The following TRIM49C variants were observed in gnomAD, a reference collection of about 807,000 sequenced individuals.
TRIM49C encodes the protein tripartite motif containing 49C.
A neutral mutation model predicts 21.4 loss-of-function variants in TRIM49C; 6 were observed. That is an observed-to-expected ratio of 0.28 (90% CI 0.15 to 0.55). The LOEUF is 0.55. TRIM49C is among the 20% of genes least tolerant of loss of function. The pLI is 0.94. For missense variants in TRIM49C, 161 were observed against 442.4 expected (o/e 0.36, Z 5.71); for synonymous variants, 57 against 148.1 (o/e 0.38, Z 4.47).
At chr11:90,035,766 T>C (rs2134816075) in intron 3 of TRIM49C, 122 bp from the exon 4 acceptor site, 1 of 579,252 alleles carries the variant, frequency 1.7e-6, no homozygotes, top group East Asian at 3.3e-5. Context: ...CCTCTGGGCT[T>C]TGACAAACAT....
At chr11:90,048,925 G>A in the TRIM49C span, among the ~76,000 whole-genome samples, 12 of 125,686 alleles carry the variant, frequency 9.5e-5, 1 homozygote, top group Non-Finnish European at 1.6e-5. Context: ...TGATGCTGGT[G>A]ACGTACAGAT....
At chr11:90,045,207 T>C (rs1356289714), downstream of TRIM49C, among the ~76,000 whole-genome samples, 1 of 131,906 alleles carries the variant, frequency 7.6e-6, no homozygotes, top group Non-Finnish European at 1.6e-5. Flanking sequence ...AGTCAAGTAG[T>C]GTGATGCCTC....
the TRIM49C span, among the ~76,000 whole-genome samples, chr11:90,062,414 G>A: frequency 1.0e-4 from 14 of 139,274 alleles, no homozygotes; most frequent in Middle Eastern, 3.5e-3. Context: ...CAACACAGCT[G>A]TGATTAGAGT....
chr11:90,047,029 G>C, the TRIM49C span, among the ~76,000 whole-genome samples: 1 of 122,364 alleles, frequency 8.2e-6, no homozygotes, highest in Non-Finnish European at 1.7e-5. Flanking sequence ...TTATGTACCC[G>C]GTAGTCATTC....
At position 90,041,378 on chromosome 11, in the gene TRIM49C, C is replaced by A; in HGVS notation, c.1187C>A (p.Pro396Gln). 6.3e-7 allele frequency: 1 copy of A among 1,588,104 alleles called. No individual in the cohort carries two copies. The highest frequency in any genetic ancestry group is 8.6e-7 in the Non-Finnish European group (1 of 1,164,214). ...DIQCSLFTTS[P>Q]LMLQYIPKPT... ...CAATGCAGTCTCTTTACCACCTCCC[C>A]ACTTATGCTGCAATATATCCCAAAA... is the stretch of plus-strand genomic sequence containing the variant. The change falls in exon 8 of 8, where the codon CCA becomes CAA. Residue 396 changes from proline to glutamine, a missense_variant. By Grantham distance (76) the Pro-to-Gln change is moderately conservative. Around this residue, in one of 3 missense-constraint regions of TRIM49C, gnomAD observed 63 missense variants for 67.6 expected, o/e 0.93. Coordinates refer to ENST00000448984, the MANE Select transcript of TRIM49C (RefSeq NM_001195234.1).
chr11:90,060,282 AT>A, the TRIM49C span, among the ~76,000 whole-genome samples: 26 of 138,626 alleles, frequency 1.9e-4, 1 homozygote, highest in South Asian at 5.3e-3. Context: ...CTGCAAAAAA[AT>A]ATATATATAA....
At chr11:90,046,146 G>A (rs892428699), downstream of TRIM49C, among the ~76,000 whole-genome samples, 1 of 124,228 alleles carries the variant, frequency 8.0e-6, no homozygotes, top group South Asian at 3.0e-4. Context: ...GCTCTTGGTG[G>A]ATAAGCTTTT....
chr11:90,069,649 G>T, the TRIM49C span, among the ~76,000 whole-genome samples: 1 of 121,660 alleles, frequency 8.2e-6, no homozygotes, highest in Non-Finnish European at 1.7e-5. Context: ...AAAGGAGAAA[G>T]AATGAGAATA....
chr11:90,047,519 G>A, the TRIM49C span, among the ~76,000 whole-genome samples: 1 of 118,296 alleles, frequency 8.5e-6, no homozygotes, highest in Non-Finnish European at 1.7e-5. Flanking sequence ...TTAGCATTAT[G>A]TAATGGCCTT....
the TRIM49C span, chr11:90,051,767 G>A: frequency 2.5e-4 from 77 of 311,266 alleles, 10 homozygotes; most frequent in East Asian, 2.3e-3. Flanking sequence ...GTGGTCCCGG[G>A]AGCAGCCACG....
the TRIM49C span, among the ~76,000 whole-genome samples, chr11:90,071,410 A>G: frequency 2.1e-5 from 3 of 141,162 alleles, no homozygotes; most frequent in African/African-American, 5.1e-5. Context: ...GAAGAGTTCA[A>G]TGCAGGAGTT....
chr11:90,048,598 C>T, the TRIM49C span, among the ~76,000 whole-genome samples: 1 of 133,850 alleles, frequency 7.5e-6, no homozygotes, highest in Non-Finnish European at 1.6e-5. Context: ...AGTTCTCCTG[C>T]CATGGTTTTC....
chr11:90,052,731 A>C, the TRIM49C span: 17 of 154,924 alleles, frequency 1.1e-4, no homozygotes, highest in African/African-American at 3.6e-4. Flanking sequence ...GATCGGTTCG[A>C]CCCTGCATGG....
chr11:90,071,851 T>C, the TRIM49C span: 16 of 689,448 alleles, frequency 2.3e-5, 1 homozygote, highest in Non-Finnish European at 3.5e-5. Flanking sequence ...TGGTTTTCTA[T>C]GGGCAGCCTT....
At chr11:90,031,580 T>A (rs982764111) in intron 1 of TRIM49C, among the ~76,000 whole-genome samples, 5 of 150,196 alleles carry the variant, frequency 3.3e-5, no homozygotes, top group African/African-American at 1.2e-4. Context: ...TTATGTGTAA[T>A]CCCCAAAATA....
chr11:90,047,846 G>T, the TRIM49C span, among the ~76,000 whole-genome samples: 1 of 113,394 alleles, frequency 8.8e-6, no homozygotes, highest in Non-Finnish European at 1.7e-5. Flanking sequence ...ATTAGTTGAT[G>T]CAGTTTCTTC....
At chr11:90,045,276 C>A (rs1032742997), downstream of TRIM49C, among the ~76,000 whole-genome samples, 28 of 102,838 alleles carry the variant, frequency 2.7e-4, 4 homozygotes, top group African/African-American at 1.0e-3. Flanking sequence ...TTTGGTTCCA[C>A]ATGAACTTTA....
At position 90,041,396 on chromosome 11, in the gene TRIM49C, T is replaced by C. The variant is rs1331531425; in HGVS notation, c.1205T>C (p.Ile402Thr). The change falls in exon 8 of 8, where the codon ATC becomes ACC. Residue 402 changes from isoleucine to threonine, a missense_variant. This residue lies in a region of TRIM49C where 63 missense variants were observed against 67.6 expected (regional missense o/e 0.93). Transcript: ENST00000448984. ...FTTSPLMLQY[I>T]PKPTSRVGLF... ...ACCTCCCCACTTATGCTGCAATATA[T>C]CCCAAAACCTACCAGCCGAGTAGGA... The C allele has an allele frequency of 1.3e-6, 2 of 1,585,076 alleles. No individual in the cohort carries two copies. The highest frequency in any genetic ancestry group is 1.7e-5 in the Admixed American group (1 of 58,746).
At chr11:90,031,489 A>G (rs1174224270) in intron 1 of TRIM49C, among the ~76,000 whole-genome samples, 1 of 136,362 alleles carries the variant, frequency 7.3e-6, no homozygotes, top group African/African-American at 2.6e-5. Flanking sequence ...TAACAACAAA[A>G]AGACTTGGTA....
Sources: allele counts gnomAD v4.1 joint callset (sites outside exome capture counted in the v4.1 genomes callset), GRCh38; gene constraint gnomAD v4.1.1; regional missense constraint gnomAD v4.1.1; transcripts MANE v1.5; gene names NCBI Gene and HGNC (gene_info 2026-07-23, HGNC 2026-07-21).